SLC44A5: variants seen among roughly 807,000 people sequenced by gnomAD.
SLC44A5 encodes the protein solute carrier family 44 member 5, also known as choline transporter-like protein 5.
In SLC44A5, 57 loss-of-function variants were observed where a neutral mutation model predicts 101.8. That is an observed-to-expected ratio of 0.56 (90% CI 0.45 to 0.70). SLC44A5 has a LOEUF of 0.70. Among genes scored for constraint, SLC44A5 ranks in the 30% least tolerant of loss-of-function variants. SLC44A5 has a pLI of 0.00. For missense variants in SLC44A5, 737 were observed against 853.1 expected (o/e 0.86, Z 1.70); for synonymous variants, 281 against 290.9 (o/e 0.97, Z 0.35).
At chr1:75,463,010 T>A (rs77466710) in intron 2 of SLC44A5, among the ~76,000 whole-genome samples, 1 of 151,926 alleles carries the variant, frequency 6.6e-6, no homozygotes, top group African/African-American at 2.4e-5. Flanking sequence ...TTCCCAAACC[T>A]GGAGAAAGAT....
intron 2 of SLC44A5, among the ~76,000 whole-genome samples, chr1:75,451,619 T>C (rs6676696): frequency 0.23 from 35,586 of 152,026 alleles, 4,285 homozygotes; most frequent in African/African-American, 0.26. Context: ...TCTGGCACCA[T>C]GGAAAATCTG....
chr1:75,505,865 A>C (rs764580028), intron 2 of SLC44A5, among the ~76,000 whole-genome samples: 30 of 152,114 alleles, frequency 2.0e-4, no homozygotes, highest in Non-Finnish European at 3.7e-4. Flanking sequence ...GCTAGGTCTC[A>C]CTTGTTTTTT....
At chr1:75,273,274 A>G (rs1360345284) in intron 6 of SLC44A5, among the ~76,000 whole-genome samples, 1 of 152,030 alleles carries the variant, frequency 6.6e-6, no homozygotes, top group Non-Finnish European at 1.5e-5. Context: ...CGGGTCTAGG[A>G]GCCTTTTGGA....
At chr1:75,616,721 G>A in the SLC44A5 span, among the ~76,000 whole-genome samples, 4 of 152,208 alleles carry the variant, frequency 2.6e-5, no homozygotes, top group Admixed American at 2.6e-4. Context: ...TCTGATGGAG[G>A]GGAGAGAAAT....
At chr1:75,276,229 C>A (rs1651908386) in intron 5 of SLC44A5, among the ~76,000 whole-genome samples, 1 of 152,108 alleles carries the variant, frequency 6.6e-6, no homozygotes, top group Admixed American at 6.6e-5. Flanking sequence ...TAGCTCTCAG[C>A]TGCCGTATCT....
intron 2 of SLC44A5, among the ~76,000 whole-genome samples, chr1:75,500,811 C>A (rs993906909): frequency 6.6e-6 from 1 of 152,002 alleles, no homozygotes; most frequent in Non-Finnish European, 1.5e-5. Context: ...GTCAGTATTG[C>A]GGGTAAGGAT....
rs1020505525 is a variant in SLC44A5 at position 75,281,651 on chromosome 1, C to T, written c.176-6609G>A. Reference sequence around the variant, plus strand: ...CTGGTGCCAGGCCCCCCCCCCCCCCCGCTGCATTTAGCCTAGGGACTTGGT... The same window carrying T: ...CTGGTGCCAGGCCCCCCCCCCCCCCTGCTGCATTTAGCCTAGGGACTTGGT... On this transcript the variant is annotated intron_variant, in intron 5 of 23. Transcript: ENST00000370859. Among the ~76,000 whole-genome samples the T allele has an allele frequency of 1.5e-4, 13 of 84,920 alleles. No individual in the cohort carries two copies. The South Asian group carries it at 2.9e-3, about 19-fold the overall frequency. 55.7% of individuals were successfully genotyped at this position (84,920 alleles called of 152,430 possible).
intron 2 of SLC44A5, among the ~76,000 whole-genome samples, chr1:75,529,391 T>G (rs1251808733): frequency 3.3e-5 from 5 of 152,152 alleles, no homozygotes; most frequent in Non-Finnish European, 5.9e-5. Context: ...TGTTCAAAAT[T>G]CAGCAGTTGG....
At chr1:75,248,818 G>A (rs1408062535) in intron 7 of SLC44A5, among the ~76,000 whole-genome samples, 1 of 152,072 alleles carries the variant, frequency 6.6e-6, no homozygotes, top group Non-Finnish European at 1.5e-5. Flanking sequence ...TTTATAGTCA[G>A]GTTTTGCCAG....
chr1:75,562,854 A>C (rs1478721441), intron 1 of SLC44A5, among the ~76,000 whole-genome samples: 1 of 152,032 alleles, frequency 6.6e-6, no homozygotes, highest in Non-Finnish European at 1.5e-5. Flanking sequence ...ACTCTGTTCT[A>C]GCTGTCATGA....
chr1:75,440,265 G>A (rs1251228771), intron 2 of SLC44A5, among the ~76,000 whole-genome samples: 1 of 152,162 alleles, frequency 6.6e-6, no homozygotes, highest in Non-Finnish European at 1.5e-5. Flanking sequence ...AATCATTGTG[G>A]TTTGAGAAGT....
At chr1:75,409,627 TTTAA>T (rs933371605) in intron 2 of SLC44A5, among the ~76,000 whole-genome samples, 4 of 152,144 alleles carry the variant, frequency 2.6e-5, no homozygotes, top group African/African-American at 7.2e-5. Flanking sequence ...TACAAATATA[TTTAA>T]TTGTTTATTA....
chr1:75,231,376 T>G (rs1647556068), intron 12 of SLC44A5, among the ~76,000 whole-genome samples: 1 of 152,208 alleles, frequency 6.6e-6, no homozygotes, highest in Non-Finnish European at 1.5e-5. Flanking sequence ...TATAAAACAA[T>G]ACAGCGCAAT....
chr1:75,418,134 C>T (rs964934261), intron 2 of SLC44A5, among the ~76,000 whole-genome samples: 1 of 152,164 alleles, frequency 6.6e-6, no homozygotes, highest in Non-Finnish European at 1.5e-5. Context: ...TATAATGATT[C>T]TTGTTGCTTG....
At chr1:75,422,716 A>G (rs999323730) in intron 2 of SLC44A5, among the ~76,000 whole-genome samples, 45 of 152,326 alleles carry the variant, frequency 3.0e-4, no homozygotes, top group African/African-American at 1.1e-3. Flanking sequence ...CCTTGATTGC[A>G]TGAAGGAACC....
intron 1 of SLC44A5, among the ~76,000 whole-genome samples, chr1:75,567,224 A>G (rs1220452922): frequency 6.6e-6 from 1 of 151,880 alleles, no homozygotes; most frequent in Non-Finnish European, 1.5e-5. Context: ...TTCCAAAACT[A>G]AATCTGAAAC....
intron 1 of SLC44A5, among the ~76,000 whole-genome samples, chr1:75,543,629 G>GTATATATACACA (rs1167592911): frequency 1.4e-5 from 2 of 138,316 alleles, no homozygotes; most frequent in East Asian, 2.1e-4. Flanking sequence ...ATATATATAC[G>GTATATATACACA]TATATATACA....
intron 2 of SLC44A5, among the ~76,000 whole-genome samples, chr1:75,521,391 A>T (rs1210953865): frequency 6.8e-6 from 1 of 147,130 alleles, no homozygotes; most frequent in Non-Finnish European, 1.5e-5. Context: ...TTAATTCTAT[A>T]AAAAAAATCA....
chr1:75,226,242 C>G (rs1647191514), intron 13 of SLC44A5, among the ~76,000 whole-genome samples: 1 of 151,712 alleles, frequency 6.6e-6, no homozygotes, highest in African/African-American at 2.4e-5. Flanking sequence ...GAGTTTGATA[C>G]AGTATTTTTT....
Sources: allele counts gnomAD v4.1 joint callset (sites outside exome capture counted in the v4.1 genomes callset), GRCh38; gene constraint gnomAD v4.1.1; transcripts MANE v1.5; gene names NCBI Gene and HGNC (gene_info 2026-07-23, HGNC 2026-07-21).